CTNNA2: variants seen among roughly 807,000 people sequenced by gnomAD.
CTNNA2 encodes the protein catenin alpha-2.
Under a neutral mutation model 101.0 loss-of-function variants are expected in CTNNA2, and 42 were observed. The observed-to-expected ratio is 0.42, with a 90% CI of 0.32 to 0.54. CTNNA2 has a LOEUF of 0.54. Among genes scored for constraint, CTNNA2 ranks in the 20% least tolerant of loss-of-function variants. The pLI is 0.14. For missense variants in CTNNA2, 871 were observed against 1,223.1 expected (o/e 0.71, Z 4.29); for synonymous variants, 450 against 456.4 (o/e 0.99, Z 0.18).
At chr2:79,718,562 A>G (rs1686259733) in intron 2 of CTNNA2, among the ~76,000 whole-genome samples, 1 of 152,210 alleles carries the variant, frequency 6.6e-6, no homozygotes, top group African/African-American at 2.4e-5. Context: ...GCCTCCAGAA[A>G]TGAATTTTAT....
chr2:79,521,759 G>T (rs1672132420), intron 1 of CTNNA2, among the ~76,000 whole-genome samples: 1 of 152,156 alleles, frequency 6.6e-6, no homozygotes, highest in Non-Finnish European at 1.5e-5. Context: ...TGAGATTGTG[G>T]TCACAACTTT....
chr2:80,146,225 T>C (rs1000621406), intron 7 of CTNNA2, among the ~76,000 whole-genome samples: 4 of 152,220 alleles, frequency 2.6e-5, no homozygotes, highest in Non-Finnish European at 5.9e-5. Flanking sequence ...TCTGCAGCCC[T>C]AGCCAATAAC....
intron 4 of CTNNA2, among the ~76,000 whole-genome samples, chr2:79,462,530 T>C (rs1478068452): frequency 6.6e-6 from 1 of 152,182 alleles, no homozygotes; most frequent in Non-Finnish European, 1.5e-5. Flanking sequence ...TTTTTCTACC[T>C]AGATTCAGAG....
intron 3 of CTNNA2, among the ~76,000 whole-genome samples, chr2:79,777,266 TTTCTC>T (rs1674038106): frequency 6.6e-6 from 1 of 151,962 alleles, no homozygotes; most frequent in Non-Finnish European, 1.5e-5. Context: ...AACTGGATGA[TTTCTC>T]TACTATAAGA....
rs1423263109 is a variant in CTNNA2, at chr2:79,215,419, T to A, written c.-406+17343T>A. 2.0e-5 allele frequency among the ~76,000 whole-genome samples: 3 copies of A among 152,194 alleles called. No individual in the cohort carries two copies. In the South Asian group the frequency reaches 6.2e-4, roughly 32 times the overall value. On this transcript the variant is annotated intron_variant, in intron 2 of 21. Transcript: ENST00000466387. ...ATTGCAACTGAGAAATATGTTGCTA[T>A]TTGGCTGCCTCTAGTCTATTATTGT... is the stretch of plus-strand genomic sequence containing the variant.
chr2:79,753,105 G>A (rs1672154900), intron 3 of CTNNA2, among the ~76,000 whole-genome samples: 1 of 152,104 alleles, frequency 6.6e-6, no homozygotes, highest in Admixed American at 6.6e-5. Context: ...TCTATTTTTT[G>A]TCTGTTACTG....
At chr2:79,314,121 G>A (rs571922959) in intron 3 of CTNNA2, among the ~76,000 whole-genome samples, 72 of 152,108 alleles carry the variant, frequency 4.7e-4, no homozygotes, top group Non-Finnish European at 8.7e-4. Context: ...TCTGCTTCAG[G>A]CCCTCTAGAC....
At chr2:79,201,549 G>A (rs1272201794) in intron 2 of CTNNA2, among the ~76,000 whole-genome samples, 3 of 152,132 alleles carry the variant, frequency 2.0e-5, no homozygotes, top group African/African-American at 4.8e-5. Flanking sequence ...AGGAAGTAAA[G>A]CTTCTTCCAA....
At chr2:79,588,900 T>C (rs1339111951) in intron 1 of CTNNA2, among the ~76,000 whole-genome samples, 3 of 152,194 alleles carry the variant, frequency 2.0e-5, no homozygotes. Context: ...TTTTAGCCTT[T>C]GGCAATTTGG....
chr2:79,843,871 A>G (rs995105131), intron 3 of CTNNA2, among the ~76,000 whole-genome samples: 19 of 151,988 alleles, frequency 1.3e-4, no homozygotes, highest in African/African-American at 1.9e-4. Context: ...TTAAACAACC[A>G]TGAGTGTTTG....
intron 9 of CTNNA2, among the ~76,000 whole-genome samples, chr2:80,494,238 T>G (rs1687270984): frequency 6.6e-6 from 1 of 152,126 alleles, no homozygotes; most frequent in South Asian, 2.1e-4. Context: ...AAACAATAAT[T>G]TTTACAGAGA....
intron 2 of CTNNA2, among the ~76,000 whole-genome samples, chr2:79,705,157 T>C (rs1329101873): frequency 1.3e-5 from 2 of 152,136 alleles, no homozygotes; most frequent in Non-Finnish European, 1.5e-5. Context: ...AACAGAGTTA[T>C]CTGACCCACA....
At chr2:79,197,243 C>T (rs1673973263) in intron 1 of CTNNA2, among the ~76,000 whole-genome samples, 2 of 152,166 alleles carry the variant, frequency 1.3e-5, no homozygotes, top group Admixed American at 1.3e-4. Flanking sequence ...AAGTCAGCCA[C>T]CATCACTTGA....
At chr2:79,726,969 A>T (rs1686884722) in intron 2 of CTNNA2, among the ~76,000 whole-genome samples, 1 of 152,242 alleles carries the variant, frequency 6.6e-6, no homozygotes, top group African/African-American at 2.4e-5. Flanking sequence ...TGTGTTGCTT[A>T]TCTGCATTCA....
At chr2:79,343,729 T>G (rs1013013333) in intron 3 of CTNNA2, among the ~76,000 whole-genome samples, 33 of 5,906 alleles carry the variant, frequency 5.6e-3, no homozygotes, top group African/African-American at 0.012. Context: ...GGACGATTAT[T>G]ATTATTATTA....
chr2:79,564,285 A>G (rs1674973252), intron 1 of CTNNA2, among the ~76,000 whole-genome samples: 1 of 150,692 alleles, frequency 6.6e-6, no homozygotes, highest in African/African-American at 2.4e-5. Context: ...TTAAATTAAT[A>G]TTATTTTTTA....
chr2:79,749,793 T>G (rs1671888095), intron 3 of CTNNA2, among the ~76,000 whole-genome samples: 1 of 152,232 alleles, frequency 6.6e-6, no homozygotes, highest in Non-Finnish European at 1.5e-5. Context: ...CTAAATGAAT[T>G]GTTTTACTAA....
chr2:80,009,144 C>T (rs1366607869), intron 7 of CTNNA2, among the ~76,000 whole-genome samples: 1 of 152,166 alleles, frequency 6.6e-6, no homozygotes, highest in African/African-American at 2.4e-5. Context: ...TGATCCAAAG[C>T]TTACCTGAGT....
intron 7 of CTNNA2, among the ~76,000 whole-genome samples, chr2:80,088,472 A>T (rs988138158): frequency 2.0e-5 from 3 of 152,000 alleles, no homozygotes; most frequent in Non-Finnish European, 4.4e-5. Context: ...ACTAAATACT[A>T]TGGGTTTAGC....
Sources: allele counts gnomAD v4.1 joint callset (sites outside exome capture counted in the v4.1 genomes callset), GRCh38; gene constraint gnomAD v4.1.1; transcripts MANE v1.5; gene names NCBI Gene and HGNC (gene_info 2026-07-23, HGNC 2026-07-21).